KCNH7: variants seen among roughly 807,000 people sequenced by gnomAD.
KCNH7 encodes voltage-gated inwardly rectifying potassium channel KCNH7.
A neutral mutation model predicts 120.8 loss-of-function variants in KCNH7; 49 were observed. The ratio of observed to expected loss-of-function variants is 0.41; its 90% CI spans 0.32 to 0.51. The LOEUF (loss-of-function observed/expected upper bound fraction) is 0.51, where lower values mean the gene tolerates loss of function less well. KCNH7 is among the 20% of genes least tolerant of loss of function. The pLI, the probability that KCNH7 is intolerant of heterozygous loss-of-function variation, is 0.38. For missense variants in KCNH7, 1,097 were observed against 1,446.6 expected (o/e 0.76, Z 3.92); for synonymous variants, 547 against 516.1 (o/e 1.06, Z -0.81).
At chr2:162,754,213 G>A (rs891830821) in intron 2 of KCNH7, among the ~76,000 whole-genome samples, 3 of 152,170 alleles carry the variant, frequency 2.0e-5, no homozygotes, top group African/African-American at 7.2e-5. Flanking sequence ...TGAAAACAGA[G>A]AGGGGAGAAA....
intron 6 of KCNH7, among the ~76,000 whole-genome samples, chr2:162,447,452 T>G (rs1395554646): frequency 6.6e-6 from 1 of 152,090 alleles, no homozygotes; most frequent in African/African-American, 2.4e-5. Context: ...AGCTGAAATT[T>G]TGTAATGGCT....
At chr2:162,682,596 C>T (rs909556615) in intron 2 of KCNH7, among the ~76,000 whole-genome samples, 3 of 151,772 alleles carry the variant, frequency 2.0e-5, no homozygotes, top group Non-Finnish European at 4.4e-5. Flanking sequence ...GGTATTATAA[C>T]ATAAAATACC....
intron 2 of KCNH7, among the ~76,000 whole-genome samples, chr2:162,752,943 G>C (rs1036490698): frequency 1.0e-5 from 1 of 98,986 alleles, no homozygotes; most frequent in Non-Finnish European, 1.8e-5. Flanking sequence ...GAAAAGAAAA[G>C]AAAAGAAAAG....
intron 2 of KCNH7, among the ~76,000 whole-genome samples, chr2:162,547,126 T>G (rs1463272773): frequency 1.3e-5 from 2 of 152,062 alleles, no homozygotes; most frequent in Non-Finnish European, 1.5e-5. Context: ...AGACAGCGCG[T>G]GTGTCAGCGG....
rs189351959 is a variant in KCNH7, at chr2:162,747,912, C to T, written c.307+88625G>A. Among the ~76,000 whole-genome samples, 25 of 152,298 alleles carry T rather than the reference C, an allele frequency of 1.6e-4. 1 individual carries two copies. The highest frequency in any genetic ancestry group is 1.6e-3 in the Admixed American group (25 of 15,300). On this transcript the variant is annotated intron_variant, in intron 2 of 15. Transcript: ENST00000332142. ...CAAATGTCTATAAAGTGCCTACCTT[C>T]ACTACGAGCAAATACTTATTCTGAT...
intron 2 of KCNH7, chr2:162,798,054 G>A (rs1014999561): frequency 6.6e-6 from 1 of 151,970 alleles, no homozygotes; most frequent in South Asian, 2.1e-4. Context: ...ATGACTTCAA[G>A]CCATCCTTAA....
At chr2:162,627,912 C>T (rs991840598) in intron 2 of KCNH7, among the ~76,000 whole-genome samples, 4 of 151,140 alleles carry the variant, frequency 2.6e-5, no homozygotes, top group African/African-American at 9.8e-5. Flanking sequence ...AGAAGAAGGA[C>T]AGAATTATTG....
intron 2 of KCNH7, among the ~76,000 whole-genome samples, chr2:162,716,430 G>A (rs1258975079): frequency 6.6e-6 from 1 of 152,154 alleles, no homozygotes; most frequent in Non-Finnish European, 1.5e-5. Flanking sequence ...CTTTTAAACA[G>A]ATAGCATTTT....
intron 6 of KCNH7, among the ~76,000 whole-genome samples, chr2:162,491,021 G>A (rs560792304): frequency 6.6e-5 from 10 of 152,098 alleles, no homozygotes; most frequent in South Asian, 2.1e-4. Context: ...CATATGCTGC[G>A]TTCAGTGACC....
At position 162,662,133 on chromosome 2, in the gene KCNH7, C is replaced by T. The variant is rs146282932; in HGVS notation, c.308-125053G>A. ...CAAAAATTAGCCGGGCATGGTGGCG[C>T]GCACCTATTGTCCCAGCTACTCGGG... On this transcript the variant is annotated intron_variant, in intron 2 of 15. Coordinates refer to ENST00000332142, the MANE Select transcript of KCNH7 (RefSeq NM_033272.4). Among the ~76,000 whole-genome samples, 848 of 151,964 alleles carry T rather than the reference C, an allele frequency of 5.6e-3. 9 individuals carry two copies. Among genetic ancestry groups the T allele is most frequent in the African/African-American group, 0.02 (810 of 41,460 alleles).
At chr2:162,534,865 C>T (rs560324392) in intron 3 of KCNH7, among the ~76,000 whole-genome samples, 24 of 151,676 alleles carry the variant, frequency 1.6e-4, no homozygotes, top group South Asian at 4.1e-4. Context: ...AATTAATATG[C>T]GTTAAGAGAA....
chr2:162,513,995 A>T lies in KCNH7; in HGVS notation c.893-1321T>A, dbSNP rs780941307. On this transcript the variant is annotated intron_variant, in intron 4 of 15. Coordinates refer to ENST00000332142, the MANE Select transcript of KCNH7 (RefSeq NM_033272.4). ...ACTAACAAAATATGCATTACTAGCTATGAAACACACTTGCTTAAAATAAAC... is the reference window on the plus strand; with the variant it reads ...ACTAACAAAATATGCATTACTAGCTTTGAAACACACTTGCTTAAAATAAAC... Among the ~76,000 whole-genome samples, 4 of 151,946 alleles carry T rather than the reference A, an allele frequency of 2.6e-5. No homozygotes were observed. The Middle Eastern group carries it at 0.01, about 388-fold the overall frequency.
At chr2:162,494,169 A>T (rs1429080920) in intron 6 of KCNH7, among the ~76,000 whole-genome samples, 1 of 152,168 alleles carries the variant, frequency 6.6e-6, no homozygotes, top group Non-Finnish European at 1.5e-5. Context: ...ATGCAAGGGT[A>T]AAATTTGGCT....
chr2:162,456,861 T>TATTC (rs1480899443), intron 6 of KCNH7, among the ~76,000 whole-genome samples: 2 of 152,120 alleles, frequency 1.3e-5, no homozygotes. Context: ...GCTTGTTAAA[T>TATTC]ATTCCTCCAT....
intron 12 of KCNH7, among the ~76,000 whole-genome samples, chr2:162,391,260 G>A (rs1686737590): frequency 1.3e-5 from 2 of 152,056 alleles, no homozygotes. Flanking sequence ...TAGCATGAAT[G>A]ATCCCCTGAA....
intron 2 of KCNH7, among the ~76,000 whole-genome samples, chr2:162,672,738 G>T (rs1335616766): frequency 1.3e-5 from 2 of 151,738 alleles, no homozygotes; most frequent in Non-Finnish European, 2.9e-5. Context: ...GGCATATGAT[G>T]AATTACTACA....
At chr2:162,503,110 C>T (rs1420130753) in intron 6 of KCNH7, among the ~76,000 whole-genome samples, 1 of 152,042 alleles carries the variant, frequency 6.6e-6, no homozygotes, top group African/African-American at 2.4e-5. Context: ...CTGCACTCCA[C>T]AGTTCGCCAC....
intron 3 of KCNH7, among the ~76,000 whole-genome samples, chr2:162,527,665 T>C (rs537885260): frequency 3.9e-5 from 6 of 152,152 alleles, no homozygotes; most frequent in Admixed American, 1.3e-4. Flanking sequence ...TTAGCTTCAG[T>C]TGAAGCTTTT....
intron 2 of KCNH7, among the ~76,000 whole-genome samples, chr2:162,658,296 T>C (rs1684843633): frequency 6.6e-6 from 1 of 152,100 alleles, no homozygotes; most frequent in Admixed American, 6.6e-5. Context: ...AAAGGATAGG[T>C]GACTATATTT....
Sources: gnomAD v4.1 joint callset for allele counts (sites outside exome capture counted in the v4.1 genomes callset) on GRCh38, gnomAD v4.1.1 for gene constraint, MANE v1.5 for transcripts, NCBI Gene and HGNC (gene_info 2026-07-23, HGNC 2026-07-21) for gene names.